The following TRPM3 variants were observed in gnomAD, a reference collection of about 807,000 sequenced individuals.
TRPM3 encodes transient receptor potential cation channel subfamily M member 3, also known as long transient receptor potential channel 3.
In TRPM3, 77 loss-of-function variants were observed where a neutral mutation model predicts 181.2. The ratio of observed to expected loss-of-function variants is 0.42; its 90% CI spans 0.35 to 0.51. The LOEUF is 0.51. TRPM3 is among the 20% of genes least tolerant of loss of function. The pLI is 0.01. For synonymous variants in TRPM3, 745 were observed against 796.4 expected (o/e 0.94, Z 1.09); for missense variants, 1,759 against 2,196.7 (o/e 0.80, Z 3.98).
At chr9:70,769,765 C>T (rs1447752428) in intron 7 of TRPM3, among the ~76,000 whole-genome samples, 1 of 125,870 alleles carries the variant, frequency 7.9e-6, no homozygotes, top group African/African-American at 2.5e-5. Context: ...GTTTGTCTTA[C>T]TCTAGTAGAT....
At chr9:71,314,690 T>C (rs1011788176) in intron 1 of TRPM3, among the ~76,000 whole-genome samples, 1 of 151,964 alleles carries the variant, frequency 6.6e-6, no homozygotes, top group Non-Finnish European at 1.5e-5. Context: ...GTTAGAAAAG[T>C]GAATGAATCC....
In TRPM3 at chr9:71,322,548, G is replaced by C. The variant is rs144748947; in HGVS notation, c.183+124105C>G. Among the ~76,000 whole-genome samples the C allele has an allele frequency of 2.0e-3, 310 of 152,162 alleles. 1 individual carries two copies. The highest frequency in any genetic ancestry group is 7.0e-3 in the African/African-American group (291 of 41,532). ...ATACCAGCATGCTCTGGGTGAGTGA[G>C]GTAGTTGCAAGGAAAATGTCAAATA... On this transcript the variant is annotated intron_variant, in intron 1 of 24. Coordinates refer to the TRPM3 transcript ENST00000357533.
intron 1 of TRPM3, among the ~76,000 whole-genome samples, chr9:71,329,902 A>G (rs1267218095): frequency 6.6e-6 from 1 of 152,222 alleles, no homozygotes; most frequent in African/African-American, 2.4e-5. Context: ...GAACCCTTGT[A>G]CAAATAAATA....
intron 1 of TRPM3, among the ~76,000 whole-genome samples, chr9:71,297,497 G>A (rs1001902261): frequency 9.2e-5 from 14 of 152,100 alleles, no homozygotes; most frequent in Admixed American, 8.5e-4. Context: ...TGGTGGAAGG[G>A]GAAGCAAACA....
chr9:71,289,183 C>T, intron 1 of TRPM3, among the ~76,000 whole-genome samples: 1 of 148,190 alleles, frequency 6.7e-6, no homozygotes, highest in African/African-American at 2.5e-5. Flanking sequence ...GAGAGAGAGA[C>T]AGCAGAAAAC....
chr9:70,932,945 T>C (rs2096789759), intron 1 of TRPM3, among the ~76,000 whole-genome samples: 2 of 152,196 alleles, frequency 1.3e-5, no homozygotes, highest in African/African-American at 4.8e-5. Context: ...GAAGAGATGG[T>C]GAGAAGTAGG....
chr9:70,782,770 AATT>A (rs529479180), intron 7 of TRPM3, among the ~76,000 whole-genome samples: 36 of 151,520 alleles, frequency 2.4e-4, no homozygotes, highest in African/African-American at 6.3e-4. Context: ...AGTTTATAAA[AATT>A]ATTATTATTA....
At chr9:71,089,965 G>A (rs2133887902) in intron 1 of TRPM3, among the ~76,000 whole-genome samples, 1 of 152,174 alleles carries the variant, frequency 6.6e-6, no homozygotes, top group South Asian at 2.1e-4. Flanking sequence ...AGCTAAAAAA[G>A]AATGGCAAAA....
chr9:70,799,586 G>A (rs1316795567), intron 6 of TRPM3, among the ~76,000 whole-genome samples: 2 of 152,178 alleles, frequency 1.3e-5, no homozygotes, highest in African/African-American at 4.8e-5. Context: ...GGCACATCTA[G>A]CCTCTTGTCT....
intron 1 of TRPM3, among the ~76,000 whole-genome samples, chr9:71,302,661 T>C (rs2086883694): frequency 6.6e-6 from 1 of 152,072 alleles, no homozygotes; most frequent in East Asian, 1.9e-4. Flanking sequence ...GAGCCAGAGC[T>C]TTTATTTGTA....
At chr9:70,947,446 C>G (rs2096946335) in intron 1 of TRPM3, among the ~76,000 whole-genome samples, 2 of 152,178 alleles carry the variant, frequency 1.3e-5, no homozygotes, top group South Asian at 4.1e-4. Context: ...AATTTAGAAA[C>G]CAAGGGTATC....
chr9:71,323,374 C>T (rs1445419984), intron 1 of TRPM3, among the ~76,000 whole-genome samples: 7 of 152,118 alleles, frequency 4.6e-5, no homozygotes, highest in African/African-American at 1.7e-4. Context: ...CTTTATCCAA[C>T]AATCTCATAT....
At chr9:71,092,923 G>A (rs1259177999) in intron 1 of TRPM3, among the ~76,000 whole-genome samples, 2 of 152,098 alleles carry the variant, frequency 1.3e-5, no homozygotes, top group African/African-American at 2.4e-5. Flanking sequence ...ATAGAACAGA[G>A]CACTCAGAAA....
intron 8 of TRPM3, among the ~76,000 whole-genome samples, chr9:70,701,255 G>A (rs1305659999): frequency 2.0e-5 from 3 of 152,178 alleles, no homozygotes; most frequent in African/African-American, 4.8e-5. Context: ...GTGACTTAGC[G>A]ATGTTCTCAT....
At chr9:71,445,168 C>T (rs2094186571) in intron 1 of TRPM3, among the ~76,000 whole-genome samples, 1 of 152,078 alleles carries the variant, frequency 6.6e-6, no homozygotes, top group South Asian at 2.1e-4. Context: ...TTTATATGTT[C>T]CTGATATAGA....
intron 1 of TRPM3, among the ~76,000 whole-genome samples, chr9:71,157,617 T>C (rs1464975703): frequency 6.6e-6 from 1 of 152,152 alleles, no homozygotes; most frequent in African/African-American, 2.4e-5. Context: ...TCTATTAGTA[T>C]GTTTTAGAAA....
At chr9:71,158,004 A>G (rs1473599443) in intron 1 of TRPM3, among the ~76,000 whole-genome samples, 3 of 152,190 alleles carry the variant, frequency 2.0e-5, no homozygotes, top group East Asian at 1.9e-4. Flanking sequence ...ATAACTTGTC[A>G]TGCAAGACTG....
intron 1 of TRPM3, among the ~76,000 whole-genome samples, chr9:70,960,334 T>A (rs1041146665): frequency 3.3e-5 from 5 of 152,120 alleles, no homozygotes; most frequent in African/African-American, 1.2e-4. Flanking sequence ...TGAAGTCCCT[T>A]CTGGCTGCCT....
chr9:71,345,284 T>C (rs2091225107), intron 1 of TRPM3, among the ~76,000 whole-genome samples: 1 of 152,158 alleles, frequency 6.6e-6, no homozygotes, highest in Non-Finnish European at 1.5e-5. Context: ...CAAAGACACA[T>C]GCACACGTAT....
Sources: gnomAD v4.1 joint callset for allele counts (sites outside exome capture counted in the v4.1 genomes callset) on GRCh38, gnomAD v4.1.1 for gene constraint, MANE v1.5 for transcripts, NCBI Gene and HGNC (gene_info 2026-07-23, HGNC 2026-07-21) for gene names.